Variants in NUBPL observed in about 807,000 individuals in gnomAD.
NUBPL encodes iron-sulfur cluster transfer protein NUBPL.
Under a neutral mutation model 45.7 loss-of-function variants are expected in NUBPL, and 31 were observed. That is an observed-to-expected ratio of 0.68 (90% CI 0.51 to 0.92). The LOEUF (loss-of-function observed/expected upper bound fraction) is 0.92, where lower values mean the gene tolerates loss of function less well. Ranked by LOEUF, NUBPL falls within the 40% of genes least tolerant of loss-of-function variation. NUBPL has a pLI of 0.00. For synonymous variants in NUBPL, 144 were observed against 140.9 expected (o/e 1.02, Z -0.15); for missense variants, 401 against 398.7 (o/e 1.01, Z -0.05).
In NUBPL at chr14:31,647,317, G is replaced by A. The variant is rs541174229; in HGVS notation, c.383-26038G>A. Among the ~76,000 whole-genome samples, 5 of 152,202 alleles carry A rather than the reference G, an allele frequency of 3.3e-5. No individual in the cohort carries two copies. In the South Asian group the frequency reaches 6.2e-4, roughly 19 times the overall value. On this transcript the variant is annotated intron_variant, in intron 4 of 10. Transcript: ENST00000281081. Reference sequence around the variant, plus strand: ...GATTAGTTATTTATTCCAGTCTTCCGTCTCTGGCTTGCTTTGGTTTTTATT... The same window carrying A: ...GATTAGTTATTTATTCCAGTCTTCCATCTCTGGCTTGCTTTGGTTTTTATT...
chr14:31,608,043 A>C (rs943637687), intron 4 of NUBPL, among the ~76,000 whole-genome samples: 2 of 152,230 alleles, frequency 1.3e-5, no homozygotes, highest in Admixed American at 6.5e-5. Context: ...CTCTGGCAGC[A>C]GACTTTTCAG....
chr14:31,817,130 A>G (rs750123927), intron 7 of NUBPL, among the ~76,000 whole-genome samples: 7 of 152,102 alleles, frequency 4.6e-5, no homozygotes, highest in Non-Finnish European at 1.0e-4. Context: ...AAAATTAGAG[A>G]AAAAAGAATG....
At chr14:31,798,791 C>CAAAAAAAAA in intron 7 of NUBPL, among the ~76,000 whole-genome samples, 2 of 53,504 alleles carry the variant, frequency 3.7e-5, no homozygotes, top group Non-Finnish European at 5.9e-5. Flanking sequence ...GACTCCGTCT[C>CAAAAAAAAA]AAAAAAAAAA....
intron 3 of NUBPL, among the ~76,000 whole-genome samples, chr14:31,588,745 C>G (rs1457379493): frequency 6.6e-6 from 1 of 151,654 alleles, no homozygotes; most frequent in Non-Finnish European, 1.5e-5. Context: ...TGACACCCCT[C>G]TCTACTAAAA....
intron 6 of NUBPL, among the ~76,000 whole-genome samples, chr14:31,718,961 C>T (rs35115571): frequency 0.34 from 51,474 of 152,052 alleles, 10,819 homozygotes; most frequent in Non-Finnish European, 0.47. Flanking sequence ...AGTTATGTCT[C>T]GATTAACCCA....
intron 6 of NUBPL, among the ~76,000 whole-genome samples, chr14:31,783,859 A>C (rs990118840): frequency 6.6e-6 from 1 of 152,214 alleles, no homozygotes; most frequent in Non-Finnish European, 1.5e-5. Context: ...TGAAAGTAAC[A>C]TGATAAATAT....
intron 4 of NUBPL, among the ~76,000 whole-genome samples, chr14:31,658,913 A>G (rs1299496682): frequency 6.6e-6 from 1 of 152,232 alleles, no homozygotes; most frequent in Non-Finnish European, 1.5e-5. Flanking sequence ...AGGGGAATAT[A>G]GTATTTAGAT....
At chr14:31,745,204 T>C (rs12878323) in intron 6 of NUBPL, among the ~76,000 whole-genome samples, 69,732 of 151,392 alleles carry the variant, frequency 0.46, 17,320 homozygotes, top group African/African-American at 0.67. Context: ...CTCCCCGCTC[T>C]CCCCACCCCA....
rs149837728 is a variant in NUBPL at position 31,842,169 on chromosome 14, G to A, written c.694-4302G>A. Among the ~76,000 whole-genome samples the A allele has an allele frequency of 2.3e-3, 355 of 151,694 alleles. 1 individual carries two copies. The highest frequency in any genetic ancestry group is 4.0e-3 in the Non-Finnish European group (275 of 67,910). ...TGGTCTTGATCTGACCTCATGATCC[G>A]CCCGTCTTGGCCTCCCAAAGAGCTG... On this transcript the variant is annotated intron_variant, in intron 8 of 10. Transcript: ENST00000281081.
intron 4 of NUBPL, among the ~76,000 whole-genome samples, chr14:31,629,455 C>G (rs1032042501): frequency 6.6e-6 from 1 of 152,224 alleles, no homozygotes; most frequent in East Asian, 1.9e-4. Flanking sequence ...GAATTGATAA[C>G]CTATTTTTGT....
intron 10 of NUBPL, among the ~76,000 whole-genome samples, chr14:31,852,299 T>A (rs1359506528): frequency 6.6e-6 from 1 of 152,252 alleles, no homozygotes; most frequent in East Asian, 1.9e-4. Flanking sequence ...ATGTCTCTCC[T>A]CTTCCCTTTG....
intron 4 of NUBPL, among the ~76,000 whole-genome samples, chr14:31,662,487 C>G (rs1477594890): frequency 6.6e-6 from 1 of 152,054 alleles, no homozygotes. Context: ...CACCCACCGA[C>G]AGGCCCTGGT....
At chr14:31,562,613 T>G (rs1024815793) in intron 2 of NUBPL, among the ~76,000 whole-genome samples, 7 of 147,764 alleles carry the variant, frequency 4.7e-5, no homozygotes, top group African/African-American at 7.5e-5. Context: ...TGTTTTTTTT[T>G]TTTTTTTTGA....
intron 4 of NUBPL, among the ~76,000 whole-genome samples, chr14:31,617,592 A>G (rs12891119): frequency 0.043 from 6,567 of 152,280 alleles, 202 homozygotes; most frequent in Non-Finnish European, 0.061. Context: ...TGATTTGCAT[A>G]TGTTGAACCA....
intron 8 of NUBPL, among the ~76,000 whole-genome samples, chr14:31,840,755 G>C (rs961873704): frequency 1.3e-5 from 2 of 152,028 alleles, no homozygotes; most frequent in African/African-American, 4.8e-5. Flanking sequence ...GTTACCAGGG[G>C]CTGGGCAGCA....
At chr14:31,654,954 A>G (rs2036106447) in intron 4 of NUBPL, among the ~76,000 whole-genome samples, 1 of 152,210 alleles carries the variant, frequency 6.6e-6, no homozygotes, top group Non-Finnish European at 1.5e-5. Flanking sequence ...AGTAGATTCC[A>G]TCTCAAGAAA....
chr14:31,787,073 A>G (rs2039298196), intron 6 of NUBPL, among the ~76,000 whole-genome samples: 1 of 152,128 alleles, frequency 6.6e-6, no homozygotes, highest in Non-Finnish European at 1.5e-5. Flanking sequence ...AGTGAAGGAA[A>G]AGGAAGAGTT....
intron 10 of NUBPL, among the ~76,000 whole-genome samples, chr14:31,858,876 T>C (rs990273187): frequency 6.6e-6 from 1 of 152,180 alleles, no homozygotes; most frequent in Non-Finnish European, 1.5e-5. Context: ...AAAACAGTAA[T>C]TTCTGGTACT....
At chr14:31,798,728 C>T (rs61994429) in intron 7 of NUBPL, among the ~76,000 whole-genome samples, 36 of 121,576 alleles carry the variant, frequency 3.0e-4, no homozygotes, top group African/African-American at 1.0e-3. Context: ...GGAGGCGGAG[C>T]TTGCAGTGAG....
Sources: allele counts gnomAD v4.1 joint callset (sites outside exome capture counted in the v4.1 genomes callset), GRCh38; gene constraint gnomAD v4.1.1; transcripts MANE v1.5; gene names NCBI Gene and HGNC (gene_info 2026-07-23, HGNC 2026-07-21).